The following ATRAID variants were observed in gnomAD, a reference collection of about 807,000 sequenced individuals.
ATRAID encodes the protein all-trans retinoic acid-induced differentiation factor.
A neutral mutation model predicts 28.8 loss-of-function variants in ATRAID; 26 were observed. That is an observed-to-expected ratio of 0.90 (90% CI 0.66 to 1.25). The LOEUF (loss-of-function observed/expected upper bound fraction) is 1.25, where lower values mean the gene tolerates loss of function less well. Among genes scored for constraint, ATRAID ranks in the 50% most tolerant of loss-of-function variants. The pLI, the probability that ATRAID is intolerant of heterozygous loss-of-function variation, is 0.00. For synonymous variants in ATRAID, 131 were observed against 108.5 expected (o/e 1.21, Z -1.29); for missense variants, 308 against 285.9 (o/e 1.08, Z -0.56).
rs1282624764 is a variant in ATRAID at position 27,215,309 on chromosome 2, T to C, written c.222-12T>C. ...GGAACACACAGTTATATTGATTACT[T>C]TATTTCCTCAGGCTGGATCTCCAGA... is the stretch of plus-strand genomic sequence containing the variant. On this transcript the variant is annotated splice_polypyrimidine_tract_variant and intron_variant, in intron 2 of 6. Transcript: ENST00000380171. 1 of 1,613,588 alleles carries C rather than the reference T, an allele frequency of 6.2e-7. No individual in the cohort carries two copies. The highest frequency in any genetic ancestry group is 8.5e-7 in the Non-Finnish European group (1 of 1,179,516).
chr2:27,213,246 G>A lies in ATRAID; in HGVS notation c.169G>A (p.Glu57Lys), dbSNP rs1456171084. The A allele has an allele frequency of 6.2e-7, 1 of 1,614,070 alleles. No individual in the cohort carries two copies. The highest frequency in any genetic ancestry group is 1.3e-5 in the African/African-American group (1 of 74,924). The change falls in exon 2 of 7, where the codon GAG becomes AAG. Residue 57 changes from glutamate to lysine, a missense_variant. Physicochemically the swap from Glu to Lys is moderately conservative, Grantham distance 56 (BLOSUM62 1). Coordinates refer to ENST00000380171, the MANE Select transcript of ATRAID (RefSeq NM_001170795.4). ...KVAFYCKTTR[E>K]LMLHARCCLN... Reference sequence around the variant, plus strand: ...GGCCTTTTATTGTAAAACGACACGAGAGCTAATGCTGCATGCCCGTTGCTG... The same window carrying A: ...GGCCTTTTATTGTAAAACGACACGAAAGCTAATGCTGCATGCCCGTTGCTG...
chr2:27,212,358 G>C lies in ATRAID; in HGVS notation c.-11G>C. On this transcript the variant is annotated 5_prime_UTR_variant, in exon 1 of 7. Transcript: ENST00000380171. ...GGTCGCGCGAGCAGCGGAGCACCAA[G>C]GGAACGGAAAATGGCGCCTCACGAC... The C allele has an allele frequency of 6.5e-7, 1 of 1,550,340 alleles. No individual in the cohort carries two copies. Among genetic ancestry groups the C allele is most frequent in the Non-Finnish European group, 8.7e-7 (1 of 1,146,714 alleles).
At chr2:27,214,022 C>G (rs946231441) in intron 2 of ATRAID, among the ~76,000 whole-genome samples, 1 of 152,116 alleles carries the variant, frequency 6.6e-6, no homozygotes, top group Non-Finnish European at 1.5e-5. Flanking sequence ...CTCGGCTCAC[C>G]GCGCCCTCCA....
Position 27,216,944 on chromosome 2 carries a change from C to A in ATRAID, c.686C>A (p.Ser229Ter), listed in dbSNP as rs766259544. 2 of 1,606,096 alleles carry A rather than the reference C, an allele frequency of 1.2e-6. No individual in the cohort carries two copies. The highest frequency in any genetic ancestry group is 1.7e-6 in the Non-Finnish European group (2 of 1,173,086). ...ACCCAGCGCCGAAAAGCCAAGACTTCATGAACTACATAGGTCTTACCATTG... is the reference window on the plus strand; with the variant it reads ...ACCCAGCGCCGAAAAGCCAAGACTTAATGAACTACATAGGTCTTACCATTG... ...WATQRRKAKT[S>*] The change falls in exon 7 of 7, where the codon TCA becomes TAA. Residue 229 changes from serine to a stop codon, truncating the protein, a stop_gained. Transcript: ENST00000380171. LOFTEE classifies it high-confidence loss of function.
chr2:27,215,251 A>G lies in ATRAID; in HGVS notation c.222-70A>G. 3 of 1,497,038 alleles carry G rather than the reference A, an allele frequency of 2.0e-6. No homozygotes were observed. The South Asian group carries it at 3.4e-5, about 17-fold the overall frequency. 92.7% of individuals were successfully genotyped at this position (1,497,038 alleles called of 1,614,324 possible). On this transcript the variant is annotated intron_variant, in intron 2 of 6. Transcript: ENST00000380171. The stretch of plus-strand genomic sequence containing the variant: ...TAGCTGAAAAGGGGGTTGTGTAGTC[A>G]AATACAAACTGTGCCGTGGCTGAAG...
intron 1 of ATRAID, 123 bp downstream of exon 1, chr2:27,212,590 C>T: frequency 6.9e-7 from 1 of 1,451,596 alleles, no homozygotes; most frequent in Non-Finnish European, 9.0e-7. Flanking sequence ...CTGACGCTTC[C>T]CGACCCTGCC....
chr2:27,215,250 C>T, intron 2 of ATRAID, 71 bp from the exon 3 acceptor site: 1 of 1,489,304 alleles, frequency 6.7e-7, no homozygotes, highest in Non-Finnish European at 9.4e-7. Flanking sequence ...GTTGTGTAGT[C>T]AAATACAAAC....
chr2:27,212,739 C>T, intron 1 of ATRAID: 1 of 1,027,718 alleles, frequency 9.7e-7, no homozygotes, highest in Non-Finnish European at 1.3e-6. Context: ...GACGGGTCCT[C>T]TGCCTCTTGT....
chr2:27,213,067 C>A, intron 1 of ATRAID, 110 bp from the exon 2 acceptor site: 2 of 1,381,718 alleles, frequency 1.4e-6, no homozygotes, highest in Non-Finnish European at 2.0e-6. Flanking sequence ...TTTATCGGCC[C>A]CGTGTTAGAG....
chr2:27,213,287 C>T lies in ATRAID; in HGVS notation c.210C>T (p.Gly70=). The T allele has an allele frequency of 3.7e-6, 6 of 1,614,024 alleles. No homozygotes were observed. Among genetic ancestry groups the T allele is most frequent in the Non-Finnish European group, 5.1e-6 (6 of 1,179,926 alleles). Residue 70 remains glycine (G), a synonymous_variant, in exon 2 of 7, where the codon GGC becomes GGT. Transcript: ENST00000380171. ...CCCGTTGCTGCCTGAATCAGAAGGG[C>T]ACCATCTTGGGGTGAGGGGAAGACA... ...LHARCCLNQK[G]TILGLDLQNC... is the part of the protein sequence containing the mutation.
chr2:27,212,388 G>T lies in ATRAID; in HGVS notation c.20G>T (p.Gly7Val), dbSNP rs767986269. 13 of 1,550,760 alleles carry T rather than the reference G, an allele frequency of 8.4e-6. No individual in the cohort carries two copies. The highest frequency in any genetic ancestry group is 4.1e-5 in the African/African-American group (3 of 72,992). The change falls in exon 1 of 7, where the codon GGT (glycine) becomes GTT (valine). Residue 7 changes from glycine (G) to valine (V), a missense_variant. Transcript: ENST00000380171. MAPHDP[G>V]SLTTLVPWAA... ...CGGAAAATGGCGCCTCACGACCCGG[G>T]TAGTCTTACGACCCTGGTGCCCTGG...
Position 27,216,449 on chromosome 2 carries a change from T to C in ATRAID, c.488-74T>C, listed in dbSNP as rs949449513. ...CTAGCAATGATTGAGAGAATCTAAG[T>C]TGAAACAGATAATTGAGAAATATGC... On this transcript the variant is annotated intron_variant, in intron 5 of 6. Coordinates refer to ENST00000380171, the MANE Select transcript of ATRAID (RefSeq NM_001170795.4). The C allele has an allele frequency of 7.6e-6, 9 of 1,177,358 alleles. No homozygotes were observed. The African/African-American group carries it at 1.2e-4, about 16-fold the overall frequency. 72.9% of individuals were successfully genotyped at this position (1,177,358 alleles called of 1,614,324 possible). A position where few individuals can be genotyped will look rare whatever the true frequency, so the allele number is the denominator to read the frequency against.
chr2:27,215,490 C>T lies in ATRAID; in HGVS notation c.310C>T (p.Pro104Ser), dbSNP rs1674787510. 3 of 1,614,166 alleles carry T rather than the reference C, an allele frequency of 1.9e-6. No homozygotes were observed. The highest frequency in any genetic ancestry group is 2.5e-6 in the Non-Finnish European group (3 of 1,180,040). ...TTVIIDLQAN[P>S]LKGDLANTFR... ...ACTTTGCAGAGACCTGCAAGCAAAC[C>T]CCCTCAAAGGTGACTTGGCCAACAC... Residue 104 changes from proline to serine, a missense_variant, in exon 4 of 7, where the codon CCC becomes TCC. Pro to Ser is a moderately conservative substitution (Grantham distance 74). Coordinates refer to ENST00000380171, the MANE Select transcript of ATRAID (RefSeq NM_001170795.4).
chr2:27,216,423 C>A, intron 5 of ATRAID, 100 bp from the exon 6 acceptor site: 1 of 978,022 alleles, frequency 1.0e-6, no homozygotes, highest in Non-Finnish European at 1.6e-6. Context: ...CTTCCTTTAT[C>A]CTAGCAATGA....
Position 27,217,043 on chromosome 2 carries a change from G to A in ATRAID, c.*95G>A. ...CCTAGAAAGGCATCTTTCGCCAGTG[G>A]ATTCGCCTCAAGGTTGAGGCCGCCA... On this transcript the variant is annotated 3_prime_UTR_variant, in exon 7 of 7. Coordinates refer to ENST00000380171, the MANE Select transcript of ATRAID (RefSeq NM_001170795.4). The A allele has an allele frequency of 8.8e-7, 1 of 1,137,402 alleles. No homozygotes were observed. The highest frequency in any genetic ancestry group is 1.2e-6 in the Non-Finnish European group (1 of 806,770). 70.5% of individuals were successfully genotyped at this position (1,137,402 alleles called of 1,614,324 possible). A position where few individuals can be genotyped will look rare whatever the true frequency, so the allele number is the denominator to read the frequency against.
rs775098924 is a variant in ATRAID at position 27,212,268 on chromosome 2, C to A, written c.-101C>A. The A allele has an allele frequency of 6.4e-7, 1 of 1,556,580 alleles. No homozygotes were observed. Among genetic ancestry groups the A allele is most frequent in the Non-Finnish European group, 8.7e-7 (1 of 1,150,530 alleles). On this transcript the variant is annotated 5_prime_UTR_variant, in exon 1 of 7. Coordinates refer to ENST00000380171, the MANE Select transcript of ATRAID (RefSeq NM_001170795.4). ...CCAAGCAGCCCCAGGGCGACTGGAC[C>A]GGGCCGCTTAGGCCACGCCCGGGGA... is the stretch of plus-strand genomic sequence containing the variant.
chr2:27,212,154 G>A lies in ATRAID; in HGVS notation c.-215G>A, dbSNP rs201449113. Reference sequence around the variant, plus strand: ...CGACGGGGGAGGCCTTCACTAAAGGGGAAAAGGAAGAGGGGGTCGGCCAGT... The same window carrying A: ...CGACGGGGGAGGCCTTCACTAAAGGAGAAAAGGAAGAGGGGGTCGGCCAGT... On this transcript the variant is annotated 5_prime_UTR_variant, in exon 1 of 7. Transcript: ENST00000380171. 668 of 1,533,202 alleles carry A rather than the reference G, an allele frequency of 4.4e-4. 9 individuals carry two copies. The East Asian group carries it at 0.012, about 27-fold the overall frequency. 95.0% of individuals were successfully genotyped at this position (1,533,202 alleles called of 1,614,324 possible). A position where few individuals can be genotyped will look rare whatever the true frequency, so the allele number is the denominator to read the frequency against.
At chr2:27,213,440 T>C in intron 2 of ATRAID, 142 bp downstream of exon 2, 1 of 1,117,026 alleles carries the variant, frequency 9.0e-7, no homozygotes, top group Middle Eastern at 3.1e-4. Context: ...ACTAGATCTC[T>C]TTAGTGTCTT....
rs998539271 is a variant in ATRAID, at chr2:27,212,153, G to A, written c.-216G>A. The A allele has an allele frequency of 6.5e-6, 10 of 1,533,010 alleles. No homozygotes were observed. The African/African-American group carries it at 1.3e-4, about 19-fold the overall frequency. 95.0% of individuals were successfully genotyped at this position (1,533,010 alleles called of 1,614,324 possible). On this transcript the variant is annotated 5_prime_UTR_variant, in exon 1 of 7. Transcript: ENST00000380171. The stretch of plus-strand genomic sequence containing the variant: ...GCGACGGGGGAGGCCTTCACTAAAG[G>A]GGAAAAGGAAGAGGGGGTCGGCCAG...
Sources: allele counts gnomAD v4.1 joint callset (sites outside exome capture counted in the v4.1 genomes callset), GRCh38; gene constraint gnomAD v4.1.1; transcripts MANE v1.5; gene names NCBI Gene and HGNC (gene_info 2026-07-23, HGNC 2026-07-21).